The following WWC2 variants were observed in gnomAD, a reference collection of about 807,000 sequenced individuals.
WWC2 encodes protein WWC2.
WWC2 carries 101 observed loss-of-function variants against 138.5 expected under a neutral mutation model. The ratio of observed to expected loss-of-function variants is 0.73; its 90% CI spans 0.62 to 0.86. The LOEUF is 0.86. Ranked by LOEUF, WWC2 falls within the 40% of genes least tolerant of loss-of-function variation. The pLI is 0.00. For synonymous variants in WWC2, 558 were observed against 538.4 expected, an observed-to-expected ratio of 1.04 and a Z score of -0.50; for missense variants, 1,420 against 1,419.4, an observed-to-expected ratio of 1.00 and a Z score of -0.01.
At chr4:183,115,107 A>G (rs1372800021) in intron 1 of WWC2, among the ~76,000 whole-genome samples, 3 of 152,154 alleles carry the variant, frequency 2.0e-5, no homozygotes, top group Non-Finnish European at 4.4e-5. Flanking sequence ...TCCCACTTAT[A>G]AGTGAGAACA....
intron 1 of WWC2, among the ~76,000 whole-genome samples, chr4:183,166,056 G>T (rs527913701): frequency 6.6e-6 from 1 of 152,304 alleles, no homozygotes; most frequent in Non-Finnish European, 1.5e-5. Context: ...AATAAATTGA[G>T]ATCTTGTGTT....
intron 21 of WWC2, among the ~76,000 whole-genome samples, chr4:183,294,898 A>G (rs1365822308): frequency 2.0e-5 from 3 of 152,154 alleles, no homozygotes; most frequent in African/African-American, 7.2e-5. Context: ...TGCTCTAGGT[A>G]AAGTAGATGT....
chr4:183,312,044 G>A (rs1165035678), intron 21 of WWC2, among the ~76,000 whole-genome samples: 5 of 152,110 alleles, frequency 3.3e-5, no homozygotes, highest in South Asian at 2.1e-4. Flanking sequence ...GTAATTTTCC[G>A]TTTCATTTTT....
intron 1 of WWC2, among the ~76,000 whole-genome samples, chr4:183,106,617 G>C (rs967335828): frequency 6.6e-6 from 1 of 152,070 alleles, no homozygotes; most frequent in Non-Finnish European, 1.5e-5. Flanking sequence ...TGCAAAAACT[G>C]ATCTACTTTG....
At chr4:183,275,595 A>T (rs1019736943) in intron 16 of WWC2, among the ~76,000 whole-genome samples, 8 of 152,138 alleles carry the variant, frequency 5.3e-5, no homozygotes, top group African/African-American at 1.9e-4. Flanking sequence ...TTCAATTGAT[A>T]TAATTTATTA....
chr4:183,258,480 A>T (rs1428340324), intron 9 of WWC2, among the ~76,000 whole-genome samples: 6 of 152,246 alleles, frequency 3.9e-5, no homozygotes, highest in Admixed American at 3.9e-4. Context: ...TGCCAAAAAC[A>T]TATATAACAT....
At chr4:183,133,634 T>C (rs1480555361) in intron 1 of WWC2, among the ~76,000 whole-genome samples, 1 of 152,068 alleles carries the variant, frequency 6.6e-6, no homozygotes, top group Non-Finnish European at 1.5e-5. Context: ...GTAACTAGGA[T>C]TACAGATGCC....
chr4:183,248,616 C>T, intron 6 of WWC2, 98 bp from the exon 7 acceptor site: 1 of 1,264,910 alleles, frequency 7.9e-7, no homozygotes, highest in African/African-American at 1.5e-5. Flanking sequence ...TTGTTTTTTT[C>T]CATTGAGATT....
At chr4:183,176,554 CT>C (rs1734473457) in intron 1 of WWC2, among the ~76,000 whole-genome samples, 1 of 152,026 alleles carries the variant, frequency 6.6e-6, no homozygotes, top group Non-Finnish European at 1.5e-5. Context: ...TCCCGAGTAG[CT>C]AGGATTACAG....
At chr4:183,268,426 A>G (rs1455130867) in intron 14 of WWC2, among the ~76,000 whole-genome samples, 1 of 152,206 alleles carries the variant, frequency 6.6e-6, no homozygotes, top group East Asian at 1.9e-4. Context: ...CTAGACAGTG[A>G]TATTTTTGAA....
At chr4:183,162,462 C>T (rs1561442726) in intron 1 of WWC2, among the ~76,000 whole-genome samples, 3 of 152,148 alleles carry the variant, frequency 2.0e-5, no homozygotes, top group South Asian at 4.1e-4. Flanking sequence ...AAACAATAAA[C>T]GTTCTTTGCC....
chr4:183,157,948 G>A (rs1414847263), intron 1 of WWC2, among the ~76,000 whole-genome samples: 1 of 151,924 alleles, frequency 6.6e-6, no homozygotes, highest in Non-Finnish European at 1.5e-5. Context: ...CTGCCTCCTA[G>A]AGTCCCAAGG....
At chr4:183,199,420 C>T (rs1385213344) in intron 2 of WWC2, among the ~76,000 whole-genome samples, 3 of 152,194 alleles carry the variant, frequency 2.0e-5, no homozygotes, top group Admixed American at 6.5e-5. Flanking sequence ...AGCCATTCTC[C>T]GCTCAAGGCA....
At chr4:183,296,094 T>G (rs901305736) in intron 21 of WWC2, among the ~76,000 whole-genome samples, 1 of 152,234 alleles carries the variant, frequency 6.6e-6, no homozygotes, top group Non-Finnish European at 1.5e-5. Context: ...GTGCCGTCAC[T>G]TCCTGTGCCT....
chr4:183,150,935 T>A (rs1219168242), intron 1 of WWC2, among the ~76,000 whole-genome samples: 1 of 152,224 alleles, frequency 6.6e-6, no homozygotes, highest in Non-Finnish European at 1.5e-5. Context: ...ATCCAGTCTA[T>A]CATTGATGGA....
At chr4:183,149,821 A>C (rs967839221) in intron 1 of WWC2, among the ~76,000 whole-genome samples, 1 of 152,178 alleles carries the variant, frequency 6.6e-6, no homozygotes, top group African/African-American at 2.4e-5. Flanking sequence ...GCAGCCGTTG[A>C]TATCTACTGT....
At chr4:183,284,561 AGTTT>A (rs1200879869) in intron 19 of WWC2, among the ~76,000 whole-genome samples, 171 bp downstream of exon 19, 1 of 152,154 alleles carries the variant, frequency 6.6e-6, no homozygotes, top group African/African-American at 2.4e-5. Flanking sequence ...GGTCCCTTTT[AGTTT>A]GTTTGTTTTT....
chr4:183,149,705 G>A (rs556654729), intron 1 of WWC2, among the ~76,000 whole-genome samples: 33 of 125,714 alleles, frequency 2.6e-4, no homozygotes, highest in Admixed American at 5.1e-4. Flanking sequence ...AATCCCCATT[G>A]TGCAAGTTTG....
intron 1 of WWC2, among the ~76,000 whole-genome samples, chr4:183,133,688 G>C (rs781013856): frequency 6.6e-6 from 1 of 152,148 alleles, no homozygotes; most frequent in South Asian, 2.1e-4. Context: ...GTAGAGACGG[G>C]GTTTCACCGT....
Sources: allele counts gnomAD v4.1 joint callset (sites outside exome capture counted in the v4.1 genomes callset), GRCh38; gene constraint gnomAD v4.1.1; transcripts MANE v1.5; gene names NCBI Gene and HGNC (gene_info 2026-07-23, HGNC 2026-07-21).